Variants in NAALADL2 observed in about 807,000 individuals in gnomAD.
The protein encoded by NAALADL2 is N-acetylated alpha-linked acidic dipeptidase like 2, also known as inactive N-acetylated-alpha-linked acidic dipeptidase-like protein 2.
A neutral mutation model predicts 87.2 loss-of-function variants in NAALADL2; 76 were observed. That is an observed-to-expected ratio of 0.87 (90% CI 0.72 to 1.05). The LOEUF (loss-of-function observed/expected upper bound fraction) is 1.05, where lower values mean the gene tolerates loss of function less well. Among genes scored for constraint, NAALADL2 ranks in the 50% least tolerant of loss-of-function variants. The pLI, the probability that NAALADL2 is intolerant of heterozygous loss-of-function variation, is 0.00. For synonymous variants in NAALADL2, 354 were observed against 331.0 expected (o/e 1.07, Z -0.75); for missense variants, 1,089 against 945.8 (o/e 1.15, Z -1.99).
At chr3:175,428,410 C>T (rs146448837) in intron 5 of NAALADL2, among the ~76,000 whole-genome samples, 9 of 152,184 alleles carry the variant, frequency 5.9e-5, no homozygotes, top group Middle Eastern at 3.4e-3. Flanking sequence ...GTCACCGAAT[C>T]ACCTACTCCT....
intron 13 of NAALADL2, among the ~76,000 whole-genome samples, chr3:175,787,552 G>A (rs1269296959): frequency 6.6e-6 from 1 of 152,196 alleles, no homozygotes; most frequent in Non-Finnish European, 1.5e-5. Flanking sequence ...GTGAGGCAAT[G>A]CCTCGCCCTG....
At chr3:174,639,387 C>T (rs954325251) in intron 2 of NAALADL2, among the ~76,000 whole-genome samples, 2 of 152,148 alleles carry the variant, frequency 1.3e-5, no homozygotes, top group Non-Finnish European at 2.9e-5. Context: ...AGCTGTTTGG[C>T]ACCAGGTGGC....
At chr3:175,320,816 A>C in intron 4 of NAALADL2, among the ~76,000 whole-genome samples, 1 of 151,674 alleles carries the variant, frequency 6.6e-6, no homozygotes, top group Non-Finnish European at 1.5e-5. Context: ...TAGACCAATA[A>C]CAGGAGCTGA....
At chr3:175,382,233 T>C (rs1339329005) in intron 5 of NAALADL2, among the ~76,000 whole-genome samples, 1 of 152,026 alleles carries the variant, frequency 6.6e-6, no homozygotes, top group Non-Finnish European at 1.5e-5. Flanking sequence ...ATGAAGAAAT[T>C]TTTCAAATGG....
chr3:174,823,089 C>G (rs1253254712), intron 3 of NAALADL2, among the ~76,000 whole-genome samples: 2 of 152,184 alleles, frequency 1.3e-5, no homozygotes, highest in Non-Finnish European at 2.9e-5. Context: ...AAAGCACTTT[C>G]TATATTTGTA....
intron 2 of NAALADL2, among the ~76,000 whole-genome samples, chr3:174,702,418 GA>G (rs1729644061): frequency 6.6e-6 from 1 of 152,056 alleles, no homozygotes; most frequent in South Asian, 2.1e-4. Flanking sequence ...AAGCACTGGG[GA>G]TACATTGAAG....
intron 8 of NAALADL2, among the ~76,000 whole-genome samples, chr3:175,469,165 A>G (rs938649491): frequency 3.3e-5 from 5 of 152,106 alleles, no homozygotes; most frequent in African/African-American, 1.2e-4. Flanking sequence ...ATGGTAAATA[A>G]TATACATTTG....
At chr3:175,364,637 A>G (rs1282360837) in intron 5 of NAALADL2, among the ~76,000 whole-genome samples, 1 of 147,760 alleles carries the variant, frequency 6.8e-6, no homozygotes, top group Non-Finnish European at 1.5e-5. Flanking sequence ...CCCAAAACAC[A>G]TCTACTCCCA....
At chr3:174,859,254 A>G, upstream of NAALADL2, 1 of 621,624 alleles carries the variant, frequency 1.6e-6, no homozygotes. Context: ...CTGCAAGCCC[A>G]GGTAACTCAG....
At chr3:175,085,716 G>A (rs1298820581) in intron 1 of NAALADL2, among the ~76,000 whole-genome samples, 6 of 152,066 alleles carry the variant, frequency 3.9e-5, no homozygotes, top group South Asian at 2.1e-4. Flanking sequence ...TCAAGAGATC[G>A]AGACCATCCT....
Position 175,086,431 on chromosome 3 carries a change from G to A in NAALADL2, c.44-10359G>A, listed in dbSNP as rs375091159. On this transcript the variant is annotated intron_variant, in intron 1 of 13. Coordinates refer to ENST00000454872, the MANE Select transcript of NAALADL2 (RefSeq NM_207015.3). ...ATTACAGAAACAAAAAAAAAGAAAC[G>A]GGAAAAGAAGCTAAAATTCATGTTG... is the stretch of plus-strand genomic sequence containing the variant. 7.3e-5 allele frequency among the ~76,000 whole-genome samples: 11 copies of A among 151,632 alleles called. No homozygotes were observed. In the South Asian group the frequency reaches 1.5e-3, roughly 20 times the overall value.
At chr3:175,718,805 A>G (rs1159853278) in intron 11 of NAALADL2, 5 of 607,370 alleles carry the variant, frequency 8.2e-6, no homozygotes, top group Non-Finnish European at 1.4e-5. Context: ...CGCACACACC[A>G]CTGCACTCCA....
intron 1 of NAALADL2, among the ~76,000 whole-genome samples, chr3:174,952,782 C>A (rs1430826251): frequency 6.6e-6 from 1 of 152,096 alleles, no homozygotes; most frequent in Non-Finnish European, 1.5e-5. Context: ...ATAAGGAAGC[C>A]TGCATGACAT....
At chr3:175,278,160 G>T (rs747670416) in intron 4 of NAALADL2, among the ~76,000 whole-genome samples, 9 of 152,070 alleles carry the variant, frequency 5.9e-5, no homozygotes, top group Non-Finnish European at 1.2e-4. Context: ...GTGCATTTGT[G>T]TGATATTATT....
intron 1 of NAALADL2, among the ~76,000 whole-genome samples, chr3:174,529,782 C>A (rs1042934893): frequency 6.6e-6 from 1 of 152,134 alleles, no homozygotes; most frequent in African/African-American, 2.4e-5. Flanking sequence ...CTATGTTGGC[C>A]CCTTTCAGCC....
intron 3 of NAALADL2, among the ~76,000 whole-genome samples, chr3:174,777,914 T>C (rs1715416010): frequency 6.6e-6 from 1 of 152,110 alleles, no homozygotes; most frequent in African/African-American, 2.4e-5. Flanking sequence ...ATCAAGCTAG[T>C]CTTTAGAATA....
chr3:175,340,999 G>A (rs1413107927), intron 5 of NAALADL2, among the ~76,000 whole-genome samples: 1 of 145,818 alleles, frequency 6.9e-6, no homozygotes, highest in Non-Finnish European at 1.5e-5. Context: ...TTCAACTAAG[G>A]TTTTTTTTTT....
At chr3:174,940,216 TGAA>T (rs1160019022) in intron 1 of NAALADL2, among the ~76,000 whole-genome samples, 6 of 152,182 alleles carry the variant, frequency 3.9e-5, no homozygotes, top group Admixed American at 6.5e-5. Context: ...GTTTATAACA[TGAA>T]GGAGTGTTGA....
chr3:175,602,052 A>G (rs1723040644), intron 10 of NAALADL2, among the ~76,000 whole-genome samples: 1 of 152,150 alleles, frequency 6.6e-6, no homozygotes, highest in African/African-American at 2.4e-5. Flanking sequence ...TTGTATATTC[A>G]GGTAGACTTG....
Sources: gnomAD v4.1 joint callset for allele counts (sites outside exome capture counted in the v4.1 genomes callset) on GRCh38, gnomAD v4.1.1 for gene constraint, MANE v1.5 for transcripts, NCBI Gene and HGNC (gene_info 2026-07-23, HGNC 2026-07-21) for gene names.